The following HIBCH variants were observed in gnomAD, a reference collection of about 807,000 sequenced individuals.
HIBCH encodes the protein 3-hydroxyisobutyryl-CoA hydrolase, mitochondrial.
A neutral mutation model predicts 58.2 loss-of-function variants in HIBCH; 50 were observed. The ratio of observed to expected loss-of-function variants is 0.86; its 90% CI spans 0.68 to 1.09. HIBCH has a LOEUF of 1.09. Among genes scored for constraint, HIBCH ranks in the 50% least tolerant of loss-of-function variants. The probability of loss-of-function intolerance (pLI) is 0.00; values close to 1 mark genes in which losing one functional copy is unlikely to be tolerated. For missense variants in HIBCH, 450 were observed against 449.7 expected (o/e 1.00, Z -0.01); for synonymous variants, 151 against 146.9 (o/e 1.03, Z -0.20).
Position 190,251,675 on chromosome 2 carries a change from GT to G in HIBCH, c.663+486del, listed in dbSNP as rs869084473. 2.6e-3 allele frequency: 472 copies of G among 182,404 alleles called. 5 individuals are homozygous for G. Among genetic ancestry groups the G allele is most frequent in the African/African-American group, 8.1e-3 (305 of 37,646 alleles). The allele number at this position is 182,404 out of a possible 1,614,324, so 11.3% of individuals were successfully genotyped here. A position where few individuals can be genotyped will look rare whatever the true frequency, so the allele number is the denominator to read the frequency against. ...CTGTGCTGAGAAAATTGGCCACATT[GT>G]TTTTTTTTTAAAAAAAAAAAAGCAA... On this transcript the variant is annotated intron_variant, in intron 8 of 13. Coordinates refer to ENST00000359678, the MANE Select transcript of HIBCH (RefSeq NM_014362.4).
At chr2:190,303,631 G>A (rs1011970981) in intron 2 of HIBCH, among the ~76,000 whole-genome samples, 1 of 152,056 alleles carries the variant, frequency 6.6e-6, no homozygotes, top group Non-Finnish European at 1.5e-5. Context: ...AATCTTCCTC[G>A]CAGAATTCTA....
At chr2:190,288,238 C>A (rs1002723285) in intron 5 of HIBCH, among the ~76,000 whole-genome samples, 7 of 150,442 alleles carry the variant, frequency 4.7e-5, no homozygotes, top group African/African-American at 1.5e-4. Context: ...TGTCAATTCC[C>A]TCCAAATTAA....
At chr2:190,220,710 G>A (rs1358478524) in intron 11 of HIBCH, among the ~76,000 whole-genome samples, 1 of 151,654 alleles carries the variant, frequency 6.6e-6, no homozygotes, top group Non-Finnish European at 1.5e-5. Context: ...AAGACACTGA[G>A]TCCATTTTGC....
chr2:190,237,690 G>A (rs1052715058), intron 11 of HIBCH, among the ~76,000 whole-genome samples: 1 of 151,912 alleles, frequency 6.6e-6, no homozygotes, highest in African/African-American at 2.4e-5. Flanking sequence ...TTATATATAC[G>A]TGTGCAGAAC....
chr2:190,316,575 A>G (rs1329062194), intron 1 of HIBCH, among the ~76,000 whole-genome samples: 3 of 152,214 alleles, frequency 2.0e-5, no homozygotes, highest in Non-Finnish European at 2.9e-5. Context: ...GTAATAATGG[A>G]AACCCTGGGT....
chr2:190,249,962 G>C (rs2119463), intron 8 of HIBCH, among the ~76,000 whole-genome samples: 1 of 152,126 alleles, frequency 6.6e-6, no homozygotes, highest in African/African-American at 2.4e-5. Context: ...GAGAAATAGA[G>C]ACTTTTGTTT....
At chr2:190,280,233 C>T (rs1412947286) in intron 6 of HIBCH, among the ~76,000 whole-genome samples, 1 of 152,184 alleles carries the variant, frequency 6.6e-6, no homozygotes, top group Non-Finnish European at 1.5e-5. Flanking sequence ...AGAGAGTAAT[C>T]TCCATTCCAT....
chr2:190,293,222 C>G (rs977605130), intron 4 of HIBCH, among the ~76,000 whole-genome samples: 37 of 152,236 alleles, frequency 2.4e-4, no homozygotes, highest in African/African-American at 8.4e-4. Flanking sequence ...GAGGCCGAGG[C>G]AGGCGGATCG....
rs1427876389 is a variant in HIBCH, at chr2:190,279,382, T to C, written c.438+8204A>G. Among the ~76,000 whole-genome samples, 1 of 152,132 alleles carries C rather than the reference T, an allele frequency of 6.6e-6. No individual in the cohort carries two copies. Among genetic ancestry groups the C allele is most frequent in the African/African-American group, 2.4e-5 (1 of 41,418 alleles). On this transcript the variant is annotated intron_variant, in intron 6 of 13. Coordinates refer to ENST00000359678, the MANE Select transcript of HIBCH (RefSeq NM_014362.4). The surrounding 1 kb of genome is among the most constrained non-coding windows in gnomAD (Gnocchi z 4.2). ...AACTCATATCCTTCTCACATACAAA[T>C]ACATTCACTCCAGCTCCATATCCTC...
intron 11 of HIBCH, chr2:190,213,284 T>TA (rs1210906262): frequency 3.7e-6 from 2 of 533,732 alleles, no homozygotes; most frequent in African/African-American, 3.8e-5. Flanking sequence ...ATAAATTCTG[T>TA]AGCTGTGACT....
At chr2:190,308,968 T>G (rs1176304772) in intron 2 of HIBCH, among the ~76,000 whole-genome samples, 1 of 152,158 alleles carries the variant, frequency 6.6e-6, no homozygotes, top group Non-Finnish European at 1.5e-5. Context: ...TTACTTAGCC[T>G]CCCTGTCCCT....
intron 11 of HIBCH, among the ~76,000 whole-genome samples, chr2:190,240,755 A>T (rs748076796): frequency 2.0e-5 from 3 of 152,176 alleles, no homozygotes; most frequent in African/African-American, 4.8e-5. Context: ...GTCATTCAGG[A>T]GCAAGTTGTT....
At chr2:190,199,429 T>C (rs1279689521), downstream of HIBCH, among the ~76,000 whole-genome samples, 1 of 151,972 alleles carries the variant, frequency 6.6e-6, no homozygotes, top group African/African-American at 2.4e-5. Context: ...TGAATTGTTT[T>C]GGTATAGATA....
chr2:190,262,188 G>GAAAAT (rs1202492171), intron 6 of HIBCH, among the ~76,000 whole-genome samples: 446 of 143,934 alleles, frequency 3.1e-3, no homozygotes, highest in African/African-American at 0.011. Context: ...GAAAAGAAAA[G>GAAAAT]AAAAGAAAAA....
chr2:190,300,658 T>C (rs1489332462), intron 2 of HIBCH, among the ~76,000 whole-genome samples: 4 of 152,200 alleles, frequency 2.6e-5, no homozygotes, highest in Non-Finnish European at 4.4e-5. Flanking sequence ...TTACTTTAAT[T>C]AGATCTCATT....
At chr2:190,259,365 G>GTGTGTGTGTGTGTGTCTGTC (rs1305957511) in intron 7 of HIBCH, among the ~76,000 whole-genome samples, 4 of 141,136 alleles carry the variant, frequency 2.8e-5, no homozygotes, top group Non-Finnish European at 6.1e-5. Context: ...GTGTGTGTGT[G>GTGTGTGTGTGTGTGTCTGTC]TGTCTGTCTG....
At chr2:190,199,559 TGATAA>T (rs1690145835), downstream of HIBCH, 1 of 311,514 alleles carries the variant, frequency 3.2e-6, no homozygotes, top group African/African-American at 2.1e-5. Flanking sequence ...TTTCTTCTAC[TGATAA>T]GATAAAGCTG....
intron 7 of HIBCH, among the ~76,000 whole-genome samples, chr2:190,255,149 T>C (rs368531081): frequency 8.5e-5 from 13 of 152,128 alleles, no homozygotes; most frequent in African/African-American, 3.1e-4. Context: ...GATTATGTCA[T>C]TGCCTGCTTT....
chr2:190,243,060 A>G lies in HIBCH; in HGVS notation c.891+1827T>C, dbSNP rs2105931474. ...ATGGTGAATACTGAGTGTCAACTTG[A>G]CTGGACTGAAGGATACAAAGTATTG... On this transcript the variant is annotated intron_variant, in intron 11 of 13. Transcript: ENST00000359678. This position sits in a 1 kb window ranked among gnomAD's most constrained non-coding sequence, Gnocchi z 4.1. 6.6e-6 allele frequency among the ~76,000 whole-genome samples: 1 copy of G among 152,264 alleles called. No individual in the cohort carries two copies. Among genetic ancestry groups the G allele is most frequent in the Admixed American group, 6.5e-5 (1 of 15,292 alleles).
Sources: allele counts gnomAD v4.1 joint callset (sites outside exome capture counted in the v4.1 genomes callset), GRCh38; gene constraint gnomAD v4.1.1; non-coding constraint Gnocchi (gnomAD v3.1); transcripts MANE v1.5; gene names NCBI Gene and HGNC (gene_info 2026-07-23, HGNC 2026-07-21).